Variants in ENDOU observed in about 807,000 individuals in gnomAD.
ENDOU encodes the protein uridylate-specific endoribonuclease.
In ENDOU, 49 loss-of-function variants were observed where a neutral mutation model predicts 54.2. The observed-to-expected ratio is 0.90, with a 90% CI of 0.72 to 1.15. The LOEUF (loss-of-function observed/expected upper bound fraction) is 1.15, where lower values mean the gene tolerates loss of function less well. ENDOU is among the 50% of genes most tolerant of loss of function. The pLI is 0.00. For synonymous variants in ENDOU, 172 were observed against 190.5 expected, an observed-to-expected ratio of 0.90 and a Z score of 0.80; for missense variants, 458 against 511.4, an observed-to-expected ratio of 0.90 and a Z score of 1.01.
At chr12:47,717,169 G>A (rs1592508113) in intron 4 of ENDOU, 111 bp from the exon 5 acceptor site, 4 of 828,868 alleles carry the variant, frequency 4.8e-6, no homozygotes, top group Non-Finnish European at 8.0e-6. Context: ...CAGCAAGGAG[G>A]GAGGGGGGCC....
chr12:47,711,916 T>C (rs1940031346), intron 8 of ENDOU, 141 bp from the exon 9 acceptor site: 1 of 954,580 alleles, frequency 1.0e-6, no homozygotes, highest in African/African-American at 1.6e-5. Context: ...ACTGGATTCT[T>C]TAAATAGAAG....
intron 9 of ENDOU, 147 bp downstream of exon 9, chr12:47,711,486 C>G: frequency 1.0e-6 from 1 of 965,684 alleles, no homozygotes; most frequent in Non-Finnish European, 1.5e-6. Flanking sequence ...CTTAATTGTT[C>G]AAGCAAGAGA....
intron 2 of ENDOU, chr12:47,720,387 T>C (rs1940393533): frequency 6.1e-6 from 1 of 165,082 alleles, no homozygotes; most frequent in South Asian, 1.6e-4. Context: ...TTTGCTACCA[T>C]TTTTACATTT....
At chr12:47,724,315 A>T (rs1940522350) in intron 1 of ENDOU, among the ~76,000 whole-genome samples, 1 of 152,134 alleles carries the variant, frequency 6.6e-6, no homozygotes, top group African/African-American at 2.4e-5. Flanking sequence ...GGTTTCTGGT[A>T]AGATGCACTA....
chr12:47,710,030 T>A lies in ENDOU; in HGVS notation c.*772A>T, dbSNP rs2136660348. 6.6e-6 allele frequency: 1 copy of A among 152,086 alleles called. No individual in the cohort carries two copies. The highest frequency in any genetic ancestry group is 6.5e-5 in the Admixed American group (1 of 15,280). The allele number at this position is 152,086 out of a possible 1,614,324, so 9.4% of individuals were successfully genotyped here. A position where few individuals can be genotyped will look rare whatever the true frequency, so the allele number is the denominator to read the frequency against. On this transcript the variant is annotated 3_prime_UTR_variant, in exon 10 of 10. Coordinates refer to ENST00000422538, the MANE Select transcript of ENDOU (RefSeq NM_001172439.2). ...TTCAAAAAAAAATTGGGGATCAAAA[T>A]ACAAGTCTGTGGCTGCACTAAACAT...
rs199940769 is a variant in ENDOU, at chr12:47,718,186, T to A, written c.187A>T (p.Lys63Ter). Residue 63 changes from lysine to a stop codon, truncating the protein, a stop_gained, in exon 3 of 10, where the codon AAA becomes TAA. Coordinates refer to ENST00000422538, the MANE Select transcript of ENDOU (RefSeq NM_001172439.2). LOFTEE classifies it high-confidence loss of function. Reference sequence around the variant, plus strand: ...AGCTGTGGCAATGGCTCTGACTCTTTGTGGTCCTCTGCAGGTAGATAGAAA... The same window carrying A: ...AGCTGTGGCAATGGCTCTGACTCTTAGTGGTCCTCTGCAGGTAGATAGAAA... ...DYEHLCTEDH[K>*]ESEPLPQLEE... 3.4e-4 allele frequency: 542 copies of A among 1,580,320 alleles called. 8 individuals are homozygous for A. In the East Asian group the frequency reaches 0.012, roughly 35 times the overall value.
intron 3 of ENDOU, 181 bp from the exon 4 acceptor site, chr12:47,717,836 G>A (rs1054425907): frequency 2.2e-5 from 14 of 642,506 alleles, no homozygotes; most frequent in African/African-American, 5.5e-5. Flanking sequence ...TTCTGATGCC[G>A]AACTTTACTT....
chr12:47,713,391 G>T lies in ENDOU; in HGVS notation c.752-3C>A. On this transcript the variant is annotated splice_polypyrimidine_tract_variant and splice_region_variant and intron_variant, in intron 6 of 9. Coordinates refer to ENST00000422538, the MANE Select transcript of ENDOU (RefSeq NM_001172439.2). ...CTCTTGCTCTGAGCCATAGCGATCTGCAGAGGAACACAAAGGGTTTTGGAG... is the reference window on the plus strand; with the variant it reads ...CTCTTGCTCTGAGCCATAGCGATCTTCAGAGGAACACAAAGGGTTTTGGAG... The T allele has an allele frequency of 6.2e-7, 1 of 1,610,700 alleles. No individual in the cohort carries two copies. Among genetic ancestry groups the T allele is most frequent in the Non-Finnish European group, 8.5e-7 (1 of 1,176,906 alleles).
In ENDOU at chr12:47,713,284, C is replaced by T. The variant is rs749719528; in HGVS notation, c.856G>A (p.Val286Ile). Residue 286 changes from valine to isoleucine, a missense_variant, in exon 7 of 10, where the codon GTC (valine) becomes ATC (isoleucine). Coordinates refer to ENST00000422538, the MANE Select transcript of ENDOU (RefSeq NM_001172439.2). ...EEGDSSGFEH[V>I]FSGEVKKGKV... ...AGAAAAGTGCTCCCACCTGAGAAGA[C>T]ATGTTCAAAGCCACTCGAGTCCCCC... The T allele has an allele frequency of 7.5e-6, 12 of 1,607,042 alleles. No individual in the cohort carries two copies. Among genetic ancestry groups the T allele is most frequent in the African/African-American group, 6.7e-5 (5 of 74,772 alleles).
chr12:47,716,534 C>A (rs1328961839), intron 5 of ENDOU, 35 bp from the exon 6 acceptor site: 8 of 1,603,514 alleles, frequency 5.0e-6, no homozygotes, highest in African/African-American at 1.3e-5. Context: ...ACTGAGAGCC[C>A]CAAACACAGG....
In ENDOU at chr12:47,717,657, TGAG is replaced by T. The variant is rs779550298; in HGVS notation, c.245-5_245-3del. 4 of 1,613,830 alleles carry T rather than the reference TGAG, an allele frequency of 2.5e-6. No individual in the cohort carries two copies. The highest frequency in any genetic ancestry group is 2.7e-5 in the African/African-American group (2 of 74,994). On this transcript the variant is annotated splice_region_variant and splice_polypyrimidine_tract_variant and intron_variant, in intron 3 of 9. Coordinates refer to ENST00000422538, the MANE Select transcript of ENDOU (RefSeq NM_001172439.2). ...AGGAGGTGGGTGCCGAGTACAAGTCTGAGAAGAGAGGGGTGGTGTGTCCCGGGC... is the reference window on the plus strand; with the variant it reads ...AGGAGGTGGGTGCCGAGTACAAGTCTAAGAGAGGGGTGGTGTGTCCCGGGC...
chr12:47,724,128 A>G (rs1940515955), intron 1 of ENDOU, among the ~76,000 whole-genome samples: 1 of 152,102 alleles, frequency 6.6e-6, no homozygotes, highest in Non-Finnish European at 1.5e-5. Context: ...GGGACCAAAT[A>G]TCCAGAGTTG....
At chr12:47,723,456 CA>C (rs1940496775) in intron 1 of ENDOU, among the ~76,000 whole-genome samples, 1 of 152,196 alleles carries the variant, frequency 6.6e-6, no homozygotes, top group South Asian at 2.1e-4. Context: ...CTCCCCAAGC[CA>C]GGTGCCTGAA....
chr12:47,716,159 C>T (rs1940221837), intron 6 of ENDOU, 141 bp downstream of exon 6: 2 of 814,342 alleles, frequency 2.5e-6, no homozygotes, highest in African/African-American at 1.7e-5. Flanking sequence ...TGGCCTCATC[C>T]CTCATCCCTC....
chr12:47,717,839 C>G, intron 3 of ENDOU, 184 bp from the exon 4 acceptor site: 1 of 638,054 alleles, frequency 1.6e-6, no homozygotes, highest in Non-Finnish European at 2.7e-6. Context: ...TGATGCCGAA[C>G]TTTACTTTCT....
chr12:47,713,190 T>C (rs1358018319), intron 7 of ENDOU, 85 bp downstream of exon 7: 1 of 933,644 alleles, frequency 1.1e-6, no homozygotes, highest in Non-Finnish European at 1.8e-6. Flanking sequence ...TGCTGATTAA[T>C]CCACACCCAG....
intron 5 of ENDOU, 149 bp downstream of exon 5, chr12:47,716,741 C>T: frequency 1.3e-6 from 1 of 783,350 alleles, no homozygotes; most frequent in Non-Finnish European, 2.1e-6. Flanking sequence ...TATCCACAGT[C>T]CCTCAAGATG....
intron 1 of ENDOU, among the ~76,000 whole-genome samples, chr12:47,721,416 A>G (rs143136946): frequency 0.012 from 1,863 of 152,296 alleles, 24 homozygotes; most frequent in Non-Finnish European, 0.018. Context: ...TTCACCTGTC[A>G]TGTCATGCTG....
At chr12:47,718,758 CTG>C (rs1940342176) in intron 2 of ENDOU, among the ~76,000 whole-genome samples, 1 of 152,178 alleles carries the variant, frequency 6.6e-6, no homozygotes, top group Non-Finnish European at 1.5e-5. Flanking sequence ...AGCTGAGTGA[CTG>C]TAGCTCAGCT....
Sources: gnomAD v4.1 joint callset for allele counts (sites outside exome capture counted in the v4.1 genomes callset) on GRCh38, gnomAD v4.1.1 for gene constraint, MANE v1.5 for transcripts, NCBI Gene and HGNC (gene_info 2026-07-23, HGNC 2026-07-21) for gene names.